Variants in INPP5E observed in about 807,000 individuals in gnomAD.
INPP5E encodes phosphatidylinositol polyphosphate 5-phosphatase type IV.
A neutral mutation model predicts 50.5 loss-of-function variants in INPP5E; 34 were observed. The ratio of observed to expected loss-of-function variants is 0.67; its 90% confidence interval spans 0.51 to 0.90. The LOEUF (loss-of-function observed/expected upper bound fraction) is 0.90. Among genes scored for constraint, INPP5E ranks in the 40% least tolerant of loss-of-function variants. The pLI is 0.00. For synonymous variants in INPP5E, 447 were observed against 406.0 expected, an observed-to-expected ratio of 1.10 and a Z score of -1.21; for missense variants, 942 against 905.5, an observed-to-expected ratio of 1.04 and a Z score of -0.52.
intron 3 of INPP5E, among the ~76,000 whole-genome samples, 177 bp from the exon 4 acceptor site, chr9:136,433,456 G>A (rs1484481095): frequency 6.6e-6 from 1 of 152,170 alleles, no homozygotes; most frequent in African/African-American, 2.4e-5. Context: ...GGGACCTGCC[G>A]GGGGCCACAG....
Position 136,439,095 on chromosome 9 carries a change from TC to T in INPP5E, c.324del (p.Thr109ProfsTer25). 6.3e-7 allele frequency: 1 copy of T among 1,578,652 alleles called. No homozygotes were observed. Among genetic ancestry groups the T allele is most frequent in the Non-Finnish European group, 8.6e-7 (1 of 1,163,800 alleles). The part of the protein sequence containing the change: ...GSQEDLEARN[G>X]TSPSRGSVQS... ...TGCACTGAGCCCCTGGAGGGACTGG[TC>T]CCATTCCGGGCTTCCAGGTCCTCCT... On this transcript the variant is annotated frameshift_variant, in exon 1 of 10. Transcript: ENST00000371712. LOFTEE classifies it high-confidence loss of function.
Position 136,439,452 on chromosome 9 carries a change from AG to A in INPP5E, c.-34del. 1 of 1,410,132 alleles carries A rather than the reference AG, an allele frequency of 7.1e-7. No homozygotes were observed. The highest frequency in any genetic ancestry group is 1.5e-5 in the African/African-American group (1 of 66,396). 87.4% of individuals were successfully genotyped at this position (1,410,132 alleles called of 1,614,324 possible). ...CTCTCCCGGGGCAGGCCTCGGCGCG[AG>A]GCCGCAGGCAGCGCGAGGGGTCACG... On this transcript the variant is annotated 5_prime_UTR_variant, in exon 1 of 10. Transcript: ENST00000371712.
At chr9:136,432,705 G>T (rs1397827612) in intron 5 of INPP5E, 119 bp from the exon 6 acceptor site, 27 of 890,202 alleles carry the variant, frequency 3.0e-5, no homozygotes, top group Non-Finnish European at 4.7e-5. Flanking sequence ...ACCCCACCGG[G>T]CATCCGCTGC....
rs763020300 is a variant in INPP5E at position 136,434,781 on chromosome 9, C to T, written c.895G>A (p.Val299Met). The change falls in exon 2 of 10, where the codon GTG (valine) becomes ATG (methionine). Residue 299 changes from valine (V) to methionine (M), a missense_variant. Coordinates refer to ENST00000371712, the MANE Select transcript of INPP5E (RefSeq NM_019892.6). ...ELARYFPDRN[V>M]ALFVATWNMQ... ...TTCCAGGTGGCCACGAAGAGTGCCA[C>T]GTTCCGGTCTGGGAAGTAGCGGGCC... is the stretch of plus-strand genomic sequence containing the variant. The T allele has an allele frequency of 7.4e-6, 12 of 1,611,968 alleles. No homozygotes were observed. The African/African-American group carries it at 8.0e-5, about 11-fold the overall frequency.
rs376485593 is a variant in INPP5E at position 136,431,026 on chromosome 9, G to A, written c.1641C>T (p.Ser547=). Residue 547 remains serine (S), a synonymous_variant, in exon 8 of 10, where the codon TCC becomes TCT. Transcript: ENST00000371712. Reference sequence around the variant, plus strand: ...CCGTGTATGAGGGCGTCCTCTGCTTGGAGGTGCTGTCGTACGTGTCCTTCC... The same window carrying A: ...CCGTGTATGAGGGCGTCCTCTGCTTAGAGGTGCTGTCGTACGTGTCCTTCC... The part of the protein sequence containing the change: ...DIGKDTYDST[S]KQRTPSYTDR... 5.6e-6 allele frequency: 9 copies of A among 1,612,558 alleles called. No homozygotes were observed. The highest frequency in any genetic ancestry group is 1.7e-5 in the Admixed American group (1 of 59,944).
intron 1 of INPP5E, chr9:136,437,242 G>C (rs1441662072): frequency 6.6e-6 from 1 of 152,352 alleles, no homozygotes; most frequent in South Asian, 2.1e-4. Context: ...CGGGGACTGT[G>C]GTGAGCTGAA....
intron 8 of INPP5E, 133 bp from the exon 9 acceptor site, chr9:136,430,546 T>C (rs1835676830): frequency 8.9e-7 from 1 of 1,120,200 alleles, no homozygotes; most frequent in Non-Finnish European, 1.3e-6. Context: ...CTCATGCCCA[T>C]TTTGTTGCCT....
intron 2 of INPP5E, 34 bp downstream of exon 2, chr9:136,434,706 C>A (rs910228399): frequency 3.2e-6 from 5 of 1,585,500 alleles, no homozygotes; most frequent in African/African-American, 1.3e-5. Flanking sequence ...ACCACCCCAC[C>A]CTTCCCCGCC....
chr9:136,437,242 G>A (rs1441662072), intron 1 of INPP5E: 1 of 152,234 alleles, frequency 6.6e-6, no homozygotes. Context: ...CGGGGACTGT[G>A]GTGAGCTGAA....
Position 136,439,029 on chromosome 9 carries a change from G to A in INPP5E, c.391C>T (p.Pro131Ser), listed in dbSNP as rs1398662716. 1 of 1,583,302 alleles carries A rather than the reference G, an allele frequency of 6.3e-7. No individual in the cohort carries two copies. The highest frequency in any genetic ancestry group is 8.6e-7 in the Non-Finnish European group (1 of 1,165,498). Residue 131 changes from proline to serine, a missense_variant, in exon 1 of 10, where the codon CCC becomes TCC. By Grantham distance (74) the Pro-to-Ser change is moderately conservative. Transcript: ENST00000371712. ...TCCTGCAAGGAGGTGCTCAGGCAGG[G>A]CGGGGAGCAGCTGTGGGCGGGGGCC... ...PGAPAHSCSP[P>S]CLSTSLQEIP...
In INPP5E at chr9:136,435,497, G is replaced by C. The variant is rs535617653; in HGVS notation, c.813-634C>G. On this transcript the variant is annotated intron_variant, in intron 1 of 9. Transcript: ENST00000371712. ...GAGTAGCTGGGACTCCAGGTGCAGT[G>C]CCACCACGCCCGGCTAGTTATTTAT... The C allele has an allele frequency of 1.4e-3, 214 of 153,184 alleles. 1 individual carries two copies. The highest frequency in any genetic ancestry group is 4.9e-3 in the African/African-American group (204 of 41,484). 9.5% of individuals were successfully genotyped at this position (153,184 alleles called of 1,614,324 possible).
At chr9:136,434,979 C>A in intron 1 of INPP5E, 116 bp from the exon 2 acceptor site, 1 of 1,322,518 alleles carries the variant, frequency 7.6e-7, no homozygotes, top group Non-Finnish European at 1.1e-6. Context: ...TGCCCCCAGC[C>A]CCAAGCAAGG....
At position 136,434,816 on chromosome 9, in the gene INPP5E, G is replaced by A. The variant is rs752406011; in HGVS notation, c.860C>T (p.Ala287Val). ...TGGGAAGTAGCGGGCCAGCTCATCCGCCCCCAACAGGGCCCCGCTGGCCAG... is the reference window on the plus strand; with the variant it reads ...TGGGAAGTAGCGGGCCAGCTCATCCACCCCCAACAGGGCCCCGCTGGCCAG... ...SLLASGALLG[A>V]DELARYFPDR... The change falls in exon 2 of 10, where the codon GCG (alanine) becomes GTG (valine). Residue 287 changes from alanine (A) to valine (V), a missense_variant. Transcript: ENST00000371712. 20 of 1,609,730 alleles carry A rather than the reference G, an allele frequency of 1.2e-5. No homozygotes were observed. The highest frequency in any genetic ancestry group is 6.6e-5 in the South Asian group (6 of 90,740).
chr9:136,434,665 GC>G, intron 2 of INPP5E, 74 bp downstream of exon 2: 1 of 1,541,750 alleles, frequency 6.5e-7, no homozygotes, highest in Non-Finnish European at 8.8e-7. Flanking sequence ...GCACAGAGCT[GC>G]CCCGTCCCCC....
chr9:136,435,292 C>T (rs761922880), intron 1 of INPP5E, among the ~76,000 whole-genome samples: 7 of 152,178 alleles, frequency 4.6e-5, no homozygotes, highest in Non-Finnish European at 1.0e-4. Flanking sequence ...ACGAGCCACA[C>T]GGAAACGCGT....
rs540871489 is a variant in INPP5E at position 136,429,950 on chromosome 9, T to C, written c.1803-143A>G. On this transcript the variant is annotated intron_variant, in intron 9 of 9. Transcript: ENST00000371712. ...GCTGTTAGGTGGGCACTGGCCCAGA[T>C]TGGCCCTGCCTCTAAGCACACGGAG... The C allele has an allele frequency of 1.9e-5, 14 of 722,266 alleles. No individual in the cohort carries two copies. The Admixed American group carries it at 2.5e-4, about 13-fold the overall frequency. The allele number at this position is 722,266 out of a possible 1,614,324, so 44.7% of individuals were successfully genotyped here.
chr9:136,430,510 A>G (rs1005706076), intron 8 of INPP5E, 97 bp from the exon 9 acceptor site: 57 of 1,440,450 alleles, frequency 4.0e-5, no homozygotes, highest in Non-Finnish European at 4.6e-5. Context: ...CGCCCCCCAC[A>G]AGGAAGCCTT....
chr9:136,437,960 T>A (rs1835864167), intron 1 of INPP5E: 1 of 154,708 alleles, frequency 6.5e-6, no homozygotes, highest in Non-Finnish European at 1.4e-5. Context: ...TAAACGAAAG[T>A]AGCCTCAACA....
Position 136,430,357 on chromosome 9 carries a change from A to G in INPP5E, c.1722T>C (p.Ser574=), listed in dbSNP as rs375615380. The change falls in exon 9 of 10, where the codon TCT becomes TCC. Residue 574 remains serine (S), a synonymous_variant. Coordinates refer to ENST00000371712, the MANE Select transcript of INPP5E (RefSeq NM_019892.6). ...CGGACGTCTTGATCCCGGGGCAGGA[A>G]GAGTAGCTCACAGGACAGATGTCAC... The part of the protein sequence containing the change: ...HKGDICPVSY[S]SCPGIKTSDH... 5 of 1,555,330 alleles carry G rather than the reference A, an allele frequency of 3.2e-6. No homozygotes were observed. The highest frequency in any genetic ancestry group is 1.4e-5 in the African/African-American group (1 of 73,512).
Sources: gnomAD v4.1 joint callset for allele counts (sites outside exome capture counted in the v4.1 genomes callset) on GRCh38, gnomAD v4.1.1 for gene constraint, MANE v1.5 for transcripts, NCBI Gene and HGNC (gene_info 2026-07-23, HGNC 2026-07-21) for gene names.